The following CYP46A1 variants were observed in gnomAD, a reference collection of about 807,000 sequenced individuals.
The protein encoded by CYP46A1 is cytochrome P450 family 46 subfamily A member 1.
In CYP46A1, 20 loss-of-function variants were observed where a neutral mutation model predicts 63.3. The ratio of observed to expected loss-of-function variants is 0.32; its 90% CI spans 0.22 to 0.46. The LOEUF (loss-of-function observed/expected upper bound fraction) is 0.46, where lower values mean the gene tolerates loss of function less well. Ranked by LOEUF, CYP46A1 falls within the 20% of genes least tolerant of loss-of-function variation. The pLI is 1.00. For missense variants in CYP46A1, 445 were observed against 670.8 expected (o/e 0.66, Z 3.72); for synonymous variants, 268 against 273.6 (o/e 0.98, Z 0.20).
In CYP46A1 at chr14:99,726,119, T is replaced by A; in HGVS notation, c.1266-71T>A. 3 of 1,391,584 alleles carry A rather than the reference T, an allele frequency of 2.2e-6. No individual in the cohort carries two copies. In the South Asian group the frequency reaches 3.5e-5, roughly 16 times the overall value. The allele number at this position is 1,391,584 out of a possible 1,614,324, so 86.2% of individuals were successfully genotyped here. On this transcript the variant is annotated intron_variant, in intron 13 of 14. Coordinates refer to ENST00000261835, the MANE Select transcript of CYP46A1 (RefSeq NM_006668.2). ...GTTCATCCAGACCTGGGTTAACTAC[T>A]GTCTTCCTTATGTTGTTCCTGTGGG...
chr14:99,703,481 C>T (rs967915416), intron 5 of CYP46A1, among the ~76,000 whole-genome samples: 6 of 152,172 alleles, frequency 3.9e-5, no homozygotes, highest in Non-Finnish European at 7.3e-5. Flanking sequence ...CCCATTCACC[C>T]TCAGTCTGCC....
rs1389862111 is a variant in CYP46A1, at chr14:99,702,283, C to G, written c.443+2182C>G. 2.0e-5 allele frequency among the ~76,000 whole-genome samples: 3 copies of G among 152,070 alleles called. No individual in the cohort carries two copies. The East Asian group carries it at 5.8e-4, about 29-fold the overall frequency. Reference sequence around the variant, plus strand: ...ATCCATGGTGTCATCTATATTAATGCCTCATTCCTTTTTATTGTCAAATAA... The same window carrying G: ...ATCCATGGTGTCATCTATATTAATGGCTCATTCCTTTTTATTGTCAAATAA... On this transcript the variant is annotated intron_variant, in intron 5 of 14. Coordinates refer to ENST00000261835, the MANE Select transcript of CYP46A1 (RefSeq NM_006668.2).
chr14:99,726,865 G>T lies in CYP46A1; in HGVS notation c.*138G>T. 1.5e-6 allele frequency: 1 copy of T among 674,948 alleles called. No individual in the cohort carries two copies. The highest frequency in any genetic ancestry group is 2.3e-6 in the Non-Finnish European group (1 of 436,082). The allele number at this position is 674,948 out of a possible 1,614,324, so 41.8% of individuals were successfully genotyped here. ...GCTGGCTTCCAGCGGGCCCTCTGCC[G>T]ACCGCCTGCTTCACACCCCTCAGCG... On this transcript the variant is annotated 3_prime_UTR_variant, in exon 15 of 15. Coordinates refer to ENST00000261835, the MANE Select transcript of CYP46A1 (RefSeq NM_006668.2).
chr14:99,707,920 C>T, intron 7 of CYP46A1: 3 of 488,020 alleles, frequency 6.1e-6, no homozygotes, highest in Non-Finnish European at 1.1e-5. Context: ...CCAAAGCAGG[C>T]AATGTAGGAT....
chr14:99,724,379 G>A (rs1219121317), intron 12 of CYP46A1, among the ~76,000 whole-genome samples: 1 of 152,160 alleles, frequency 6.6e-6, no homozygotes, highest in African/African-American at 2.4e-5. Context: ...AGCCTCATCT[G>A]TGGCCACTCT....
intron 14 of CYP46A1, 133 bp from the exon 15 acceptor site, chr14:99,726,424 C>T (rs768637417): frequency 1.3e-4 from 157 of 1,169,858 alleles, no homozygotes; most frequent in East Asian, 1.1e-4. Context: ...CGGAGGAGAG[C>T]GCAAAACAGG....
In CYP46A1 at chr14:99,700,926, G is replaced by A. The variant is rs116596748; in HGVS notation, c.443+825G>A. On this transcript the variant is annotated intron_variant, in intron 5 of 14. Coordinates refer to ENST00000261835, the MANE Select transcript of CYP46A1 (RefSeq NM_006668.2). Reference sequence around the variant, plus strand: ...TTCCAGTGAGGAAAGATGCGGAGGTGGAAGGCAGTGATATTGATGATCCTG... The same window carrying A: ...TTCCAGTGAGGAAAGATGCGGAGGTAGAAGGCAGTGATATTGATGATCCTG... 2.3e-3 allele frequency among the ~76,000 whole-genome samples: 353 copies of A among 152,266 alleles called. 1 individual carries two copies. Among genetic ancestry groups the A allele is most frequent in the African/African-American group, 8.1e-3 (337 of 41,546 alleles).
At chr14:99,709,367 A>G (rs1324305517) in intron 7 of CYP46A1, 4 of 152,214 alleles carry the variant, frequency 2.6e-5, no homozygotes, top group Non-Finnish European at 5.9e-5. Context: ...AGAGAAACAA[A>G]CAGAAATCTT....
Position 99,726,582 on chromosome 14 carries a change from A to T in CYP46A1, c.1358A>T (p.Lys453Met). ...ATGGAGGTGAAGGTGGTCATGGCAA[A>T]GCTGCTGCAGAGGCTGGAGTTCCGG... The part of the protein sequence containing the change: ...AQMEVKVVMA[K>M]LLQRLEFRLV... The change falls in exon 15 of 15, where the codon AAG becomes ATG. Residue 453 changes from lysine to methionine, a missense_variant. Lys to Met is a moderately conservative substitution (Grantham distance 95). Transcript: ENST00000261835. The T allele has an allele frequency of 6.3e-7, 1 of 1,593,082 alleles. No individual in the cohort carries two copies. The highest frequency in any genetic ancestry group is 1.3e-5 in the African/African-American group (1 of 74,644).
At chr14:99,691,031 G>T (rs755947579) in intron 1 of CYP46A1, 50 bp from the exon 2 acceptor site, 40 of 1,564,656 alleles carry the variant, frequency 2.6e-5, no homozygotes, top group Non-Finnish European at 3.4e-5. Context: ...GGAAGGGAGC[G>T]TTCTTTCCTG....
chr14:99,726,341 C>T, intron 14 of CYP46A1, 85 bp downstream of exon 14: 1 of 1,229,162 alleles, frequency 8.1e-7, no homozygotes, highest in Non-Finnish European at 1.1e-6. Flanking sequence ...CTCCGAACCC[C>T]TGCTCTGGGG....
At chr14:99,723,341 C>A (rs1448264046) in intron 12 of CYP46A1, among the ~76,000 whole-genome samples, 1 of 152,152 alleles carries the variant, frequency 6.6e-6, no homozygotes, top group African/African-American at 2.4e-5. Context: ...TAGAGTCTTG[C>A]TCTGTCCCCC....
chr14:99,706,564 C>G, intron 5 of CYP46A1, 83 bp from the exon 6 acceptor site: 1 of 1,562,376 alleles, frequency 6.4e-7, no homozygotes, highest in Non-Finnish European at 8.7e-7. Flanking sequence ...TGCACAGTAT[C>G]CTCTCTGTGG....
chr14:99,691,798 T>C lies in CYP46A1; in HGVS notation c.219T>C (p.Pro73=), dbSNP rs141032633. 134 of 1,614,092 alleles carry C rather than the reference T, an allele frequency of 8.3e-5. No individual in the cohort carries two copies. The highest frequency in any genetic ancestry group is 1.1e-4 in the Non-Finnish European group (128 of 1,180,044). Residue 73 remains proline, a synonymous_variant, in exon 3 of 15, where the codon CCT becomes CCC. Coordinates refer to ENST00000261835, the MANE Select transcript of CYP46A1 (RefSeq NM_006668.2). ...TTTCCAGGGCTAAGAAGTATGGACC[T>C]GTTGTGCGGGTCAACGTCTTCCACA... is the stretch of plus-strand genomic sequence containing the variant. The part of the protein sequence containing the change: ...VFLDWAKKYG[P]VVRVNVFHKT...
intron 1 of CYP46A1, among the ~76,000 whole-genome samples, chr14:99,686,746 T>A (rs1424153324): frequency 6.6e-6 from 1 of 152,120 alleles, no homozygotes; most frequent in Non-Finnish European, 1.5e-5. Context: ...GTGACCTGAG[T>A]GTGTGGGGTG....
intron 7 of CYP46A1, chr14:99,712,380 A>T (rs2056742427): frequency 6.6e-6 from 1 of 152,226 alleles, no homozygotes; most frequent in South Asian, 2.1e-4. Flanking sequence ...ACATGATCTT[A>T]TATTTAGAAA....
chr14:99,718,189 C>A, intron 10 of CYP46A1, 63 bp downstream of exon 10: 2 of 1,385,994 alleles, frequency 1.4e-6, no homozygotes, highest in Non-Finnish European at 2.0e-6. Context: ...CTGAGGGCCA[C>A]CTGCCCCCAC....
At chr14:99,721,069 G>A (rs1450270468) in intron 10 of CYP46A1, among the ~76,000 whole-genome samples, 170 bp from the exon 11 acceptor site, 4 of 152,178 alleles carry the variant, frequency 2.6e-5, no homozygotes, top group Non-Finnish European at 4.4e-5. Context: ...CAGCCTGGGC[G>A]ACAGAGCAAG....
chr14:99,703,204 G>A (rs1351937755), intron 5 of CYP46A1, among the ~76,000 whole-genome samples: 1 of 152,206 alleles, frequency 6.6e-6, no homozygotes, highest in African/African-American at 2.4e-5. Context: ...GCCATGTTAA[G>A]TTTGCACAGT....
Sources: gnomAD v4.1 joint callset for allele counts (sites outside exome capture counted in the v4.1 genomes callset) on GRCh38, gnomAD v4.1.1 for gene constraint, MANE v1.5 for transcripts, NCBI Gene and HGNC (gene_info 2026-07-23, HGNC 2026-07-21) for gene names.